Variants in CACNA1B observed in about 807,000 individuals in gnomAD.
CACNA1B encodes voltage-dependent N-type calcium channel subunit alpha-1B.
A neutral mutation model predicts 247.2 loss-of-function variants in CACNA1B; 70 were observed. That is an observed-to-expected ratio of 0.28 (90% CI 0.23 to 0.35). The LOEUF (loss-of-function observed/expected upper bound fraction) is 0.35, where lower values mean the gene tolerates loss of function less well. CACNA1B is among the 10% of genes least tolerant of loss of function. The pLI is 1.00. For missense variants in CACNA1B, 2,367 were observed against 3,197.4 expected (o/e 0.74, Z 6.26); for synonymous variants, 1,231 against 1,294.4 (o/e 0.95, Z 1.05).
chr9:137,950,906 C>T lies in CACNA1B; in HGVS notation c.967-1368C>T, dbSNP rs1324438151. On this transcript the variant is annotated intron_variant, in intron 6 of 46. Transcript: ENST00000371372. The surrounding 1 kb of genome is among the most constrained non-coding windows in gnomAD (Gnocchi z 4.8). Reference sequence around the variant, plus strand: ...ACAATATGGCAGAGTATGTCTGCTCCATCTTCCCAGAAGTGGAAGTCCTGT... The same window carrying T: ...ACAATATGGCAGAGTATGTCTGCTCTATCTTCCCAGAAGTGGAAGTCCTGT... Among the ~76,000 whole-genome samples the T allele has an allele frequency of 1.3e-5, 2 of 152,194 alleles. No homozygotes were observed. The highest frequency in any genetic ancestry group is 2.9e-5 in the Non-Finnish European group (2 of 68,036).
In CACNA1B at chr9:138,003,819, A is replaced by AC. The variant is rs1222883916; in HGVS notation, c.1975-2947dup. ...TTTTTTTTTGTAGAAATGGGGTCCC[A>AC]CTATGTCGCCCAGGCTGGTGTCGAA... On this transcript the variant is annotated intron_variant, in intron 15 of 46. Transcript: ENST00000371372. Among the ~76,000 whole-genome samples, 3 of 102,110 alleles carry AC rather than the reference A, an allele frequency of 2.9e-5. No individual in the cohort carries two copies. The East Asian group carries it at 8.2e-4, about 28-fold the overall frequency. 67.0% of individuals were successfully genotyped at this position (102,110 alleles called of 152,430 possible).
chr9:137,944,667 G>A (rs2133324209), intron 6 of CACNA1B, among the ~76,000 whole-genome samples: 1 of 152,276 alleles, frequency 6.6e-6, no homozygotes, highest in African/African-American at 2.4e-5. Context: ...AAATTCCTAG[G>A]GTTCTCAGAA....
chr9:138,101,240 C>A (rs1187712530), intron 37 of CACNA1B: 1 of 505,848 alleles, frequency 2.0e-6, no homozygotes, highest in Non-Finnish European at 4.1e-6. Flanking sequence ...TACTTCCCTG[C>A]CCGAAACGCA....
intron 20 of CACNA1B, among the ~76,000 whole-genome samples, chr9:138,039,136 T>TA (rs1487651421): frequency 6.6e-6 from 1 of 151,400 alleles, no homozygotes; most frequent in Non-Finnish European, 1.5e-5. Context: ...GCAGAGGTTG[T>TA]AGTGAGCCAA....
intron 23 of CACNA1B, among the ~76,000 whole-genome samples, chr9:138,048,487 C>T (rs929441720): frequency 1.3e-5 from 2 of 152,192 alleles, no homozygotes; most frequent in African/African-American, 4.8e-5. Flanking sequence ...TATTTGGGTC[C>T]ATGGCATTGA....
At chr9:137,946,317 C>T (rs770065284) in intron 6 of CACNA1B, among the ~76,000 whole-genome samples, 1 of 152,116 alleles carries the variant, frequency 6.6e-6, no homozygotes, top group Non-Finnish European at 1.5e-5. Flanking sequence ...GAGACATTAT[C>T]TTTTGTCTTT....
At chr9:138,117,379 G>A (rs2739259) in intron 42 of CACNA1B, among the ~76,000 whole-genome samples, 4,106 of 152,214 alleles carry the variant, frequency 0.027, 181 homozygotes, top group African/African-American at 0.092. Flanking sequence ...TCCCGGGCGA[G>A]GCCCCCTACC....
intron 24 of CACNA1B, 148 bp downstream of exon 24, chr9:138,049,463 G>C (rs1315561089): frequency 3.0e-6 from 2 of 667,924 alleles, no homozygotes; most frequent in Admixed American, 4.4e-5. Flanking sequence ...GTCCCTGCCT[G>C]CTTGGGGCGG....
chr9:138,109,636 C>T (rs1161546633), intron 39 of CACNA1B, among the ~76,000 whole-genome samples: 1 of 152,220 alleles, frequency 6.6e-6, no homozygotes, highest in Non-Finnish European at 1.5e-5. Context: ...AATACAGTCA[C>T]ATCTGGGGCT....
chr9:138,007,669 T>C lies in CACNA1B; in HGVS notation c.2092+785T>C, dbSNP rs113778291. Among the ~76,000 whole-genome samples the C allele has an allele frequency of 5.3e-5, 8 of 152,160 alleles. No homozygotes were observed. Among genetic ancestry groups the C allele is most frequent in the African/African-American group, 1.9e-4 (8 of 41,432 alleles). On this transcript the variant is annotated intron_variant, in intron 16 of 46. Transcript: ENST00000371372. This position sits in a 1 kb window ranked among gnomAD's most constrained non-coding sequence, Gnocchi z 4.1. ...GAGGCAGTGGGGCTGGGCTGGGGCC[T>C]GAGAATGTGCATTCTCACAGGCTGC...
chr9:138,113,743 C>T (rs1204792591), intron 40 of CACNA1B, among the ~76,000 whole-genome samples: 2 of 140,778 alleles, frequency 1.4e-5, no homozygotes, highest in African/African-American at 2.7e-5. Flanking sequence ...GGGAGGTGCC[C>T]AACTCCTCCT....
intron 21 of CACNA1B, among the ~76,000 whole-genome samples, chr9:138,044,101 C>T (rs902592074): frequency 6.6e-6 from 1 of 152,222 alleles, no homozygotes; most frequent in Non-Finnish European, 1.5e-5. Flanking sequence ...GCAGCCTCAG[C>T]GGAGCTGGGG....
At chr9:137,878,339 G>A (rs922232925) in intron 1 of CACNA1B, 122 bp downstream of exon 1, 27 of 894,892 alleles carry the variant, frequency 3.0e-5, no homozygotes, top group Non-Finnish European at 3.8e-5. Flanking sequence ...ACGGGCGAGG[G>A]GGGTACGGAG....
chr9:138,029,870 C>T (rs1958967689), intron 20 of CACNA1B, among the ~76,000 whole-genome samples: 1 of 152,114 alleles, frequency 6.6e-6, no homozygotes, highest in Admixed American at 6.5e-5. Flanking sequence ...CTTTCTCAGC[C>T]TCCCGAAGTG....
intron 36 of CACNA1B, among the ~76,000 whole-genome samples, chr9:138,094,540 G>A (rs946394393): frequency 5.3e-5 from 8 of 151,348 alleles, no homozygotes; most frequent in Non-Finnish European, 7.4e-5. Context: ...ATTCTGTGAG[G>A]CCAGCATTGC....
At chr9:137,991,287 C>T (rs1958429420) in intron 15 of CACNA1B, among the ~76,000 whole-genome samples, 1 of 152,204 alleles carries the variant, frequency 6.6e-6, no homozygotes, top group Non-Finnish European at 1.5e-5. Flanking sequence ...GCAAAATGCA[C>T]TGGAAAGTCT....
intron 40 of CACNA1B, among the ~76,000 whole-genome samples, chr9:138,112,979 C>T (rs902169190): frequency 1.4e-5 from 2 of 148,046 alleles, no homozygotes; most frequent in African/African-American, 5.0e-5. Flanking sequence ...GGGAGGTGCC[C>T]AACTGCATCT....
rs1019467188 is a variant in CACNA1B, at chr9:138,101,302, T to C, written c.5223-1409T>C. 5 of 461,774 alleles carry C rather than the reference T, an allele frequency of 1.1e-5. No homozygotes were observed. In the East Asian group the frequency reaches 3.5e-4, roughly 32 times the overall value. 28.6% of individuals were successfully genotyped at this position (461,774 alleles called of 1,614,324 possible). A position where few individuals can be genotyped will look rare whatever the true frequency, so the allele number is the denominator to read the frequency against. On this transcript the variant is annotated intron_variant, in intron 37 of 46. Transcript: ENST00000371372. ...GGGAATGACGACGCCTCACCTTTCT[T>C]TCCTCCTGTCCTGCCCCGCACTCCA...
chr9:138,118,809 TG>T (rs958158710), intron 44 of CACNA1B, 41 bp downstream of exon 44: 5 of 844,290 alleles, frequency 5.9e-6, no homozygotes, highest in Admixed American at 2.5e-5. Context: ...GCTGGGCAAG[TG>T]GGGGGTGGGG....
Sources: gnomAD v4.1 joint callset for allele counts (sites outside exome capture counted in the v4.1 genomes callset) on GRCh38, gnomAD v4.1.1 for gene constraint, Gnocchi (gnomAD v3.1) non-coding constraint, MANE v1.5 for transcripts, NCBI Gene and HGNC (gene_info 2026-07-23, HGNC 2026-07-21) for gene names.